Variants in SUFU observed in about 807,000 individuals in gnomAD.
SUFU encodes the protein suppressor of fused homolog.
Under a neutral mutation model 58.9 loss-of-function variants are expected in SUFU, and 7 were observed. That is an observed-to-expected ratio of 0.12 (90% CI 0.07 to 0.22). The LOEUF (loss-of-function observed/expected upper bound fraction) is 0.22, where lower values mean the gene tolerates loss of function less well. Ranked by LOEUF, SUFU falls within the 10% of genes least tolerant of loss-of-function variation. SUFU has a pLI of 1.00. For synonymous variants in SUFU, 232 were observed against 254.8 expected (o/e 0.91, Z 0.85); for missense variants, 451 against 641.3 (o/e 0.70, Z 3.20).
rs572026954 is a variant in SUFU, at chr10:102,619,082, G to A, written c.1296+1654G>A. 1.3e-5 allele frequency: 21 copies of A among 1,612,530 alleles called. No individual in the cohort carries two copies. The highest frequency in any genetic ancestry group is 1.7e-5 in the Admixed American group (1 of 59,986). On this transcript the variant is annotated intron_variant, in intron 10 of 11. Coordinates refer to ENST00000369902, the MANE Select transcript of SUFU (RefSeq NM_016169.4). This position sits in a 1 kb window ranked among gnomAD's most constrained non-coding sequence, Gnocchi z 4.2. ...CATCCTCAGCTCTGAACCTATCCTC[G>A]GAGCTCTGCCCTCCCGTCCTGGAAC...
chr10:102,599,006 A>G lies in SUFU; in HGVS notation c.911-427A>G, dbSNP rs148331996. Among the ~76,000 whole-genome samples, 956 of 152,150 alleles carry G rather than the reference A, an allele frequency of 6.3e-3. 2 individuals are homozygous for G. Among genetic ancestry groups the G allele is most frequent in the Non-Finnish European group, 9.4e-3 (639 of 67,992 alleles). On this transcript the variant is annotated intron_variant, in intron 7 of 11. Transcript: ENST00000369902. ...GGGACCAGATGCTAGTTGACTACCC[A>G]GAACCCAGAAAGGTGTGTTAGAGGC...
chr10:102,622,991 CAAAAA>C (rs60442672), intron 10 of SUFU, among the ~76,000 whole-genome samples: 7 of 58,374 alleles, frequency 1.2e-4, no homozygotes, highest in African/African-American at 3.9e-4. Context: ...AACTCCGTCT[CAAAAA>C]AAAAAAAAAA....
intron 8 of SUFU, among the ~76,000 whole-genome samples, chr10:102,601,732 G>A (rs995832844): frequency 3.9e-5 from 6 of 152,170 alleles, no homozygotes; most frequent in Admixed American, 2.0e-4. Context: ...TGAGCGTGAC[G>A]GTAATATCTG....
Position 102,529,255 on chromosome 10 carries a change from G to T in SUFU, c.317+19952G>T, listed in dbSNP as rs565012893. On this transcript the variant is annotated intron_variant, in intron 2 of 11. Coordinates refer to ENST00000369902, the MANE Select transcript of SUFU (RefSeq NM_016169.4). ...ATTTAGTAGTTGTTGACTGAATTCT[G>T]TTGTAATGGCTGTGACTCAAAGCAT... Among the ~76,000 whole-genome samples the T allele has an allele frequency of 1.3e-4, 20 of 152,218 alleles. No individual in the cohort carries two copies. In the South Asian group the frequency reaches 3.9e-3, roughly 30 times the overall value.
At chr10:102,521,340 T>C (rs1564663138) in intron 2 of SUFU, among the ~76,000 whole-genome samples, 1 of 152,206 alleles carries the variant, frequency 6.6e-6, no homozygotes, top group Non-Finnish European at 1.5e-5. Context: ...CATACATACC[T>C]TTTTCTCACA....
At chr10:102,548,773 T>A (rs535974765) in intron 2 of SUFU, among the ~76,000 whole-genome samples, 236 of 152,262 alleles carry the variant, frequency 1.5e-3, no homozygotes, top group Middle Eastern at 3.4e-3. Context: ...GAAGTCCCTT[T>A]CAGGGACTTC....
intron 10 of SUFU, among the ~76,000 whole-genome samples, chr10:102,626,415 C>G (rs969857544): frequency 2.6e-5 from 4 of 152,130 alleles, no homozygotes; most frequent in Non-Finnish European, 5.9e-5. Flanking sequence ...TGGGGCCAGA[C>G]TCAGCATCAA....
intron 2 of SUFU, among the ~76,000 whole-genome samples, chr10:102,532,435 T>G (rs1458940186): frequency 6.6e-6 from 1 of 151,960 alleles, no homozygotes; most frequent in Non-Finnish European, 1.5e-5. Context: ...GCACCAGGAG[T>G]CCAGGAATAG....
chr10:102,518,637 C>T (rs2062505605), intron 2 of SUFU, among the ~76,000 whole-genome samples: 1 of 151,962 alleles, frequency 6.6e-6, no homozygotes, highest in Non-Finnish European at 1.5e-5. Flanking sequence ...ACCTCTGCTT[C>T]CCAGGCTTAA....
intron 3 of SUFU, chr10:102,591,182 T>A (rs956994389): frequency 1.3e-5 from 2 of 152,196 alleles, no homozygotes; most frequent in Non-Finnish European, 2.9e-5. Context: ...ATTTAAAGAA[T>A]GAGATAGCTC....
At chr10:102,605,944 G>A (rs1197328262) in intron 8 of SUFU, among the ~76,000 whole-genome samples, 1 of 152,212 alleles carries the variant, frequency 6.6e-6, no homozygotes, top group Non-Finnish European at 1.5e-5. Flanking sequence ...TGACTCACAG[G>A]ACTGGGATTG....
At chr10:102,604,251 G>A (rs758887765) in intron 8 of SUFU, among the ~76,000 whole-genome samples, 11 of 152,210 alleles carry the variant, frequency 7.2e-5, no homozygotes, top group Non-Finnish European at 1.2e-4. Flanking sequence ...TGCTCCCTGC[G>A]TCCTGGACAG....
chr10:102,630,295 G>T lies in SUFU; in HGVS notation c.*140G>T. ...CTGCGCAGTGCCACCCCGCAGCCCA[G>T]TGGGGTGCCATGCACAGGCCACAGG... On this transcript the variant is annotated 3_prime_UTR_variant, in exon 12 of 12. Transcript: ENST00000369902. 1.3e-6 allele frequency: 1 copy of T among 784,192 alleles called. No individual in the cohort carries two copies. The highest frequency in any genetic ancestry group is 2.1e-6 in the Non-Finnish European group (1 of 466,760). The allele number at this position is 784,192 out of a possible 1,614,324, so 48.6% of individuals were successfully genotyped here. A position where few individuals can be genotyped will look rare whatever the true frequency, so the allele number is the denominator to read the frequency against.
chr10:102,575,849 A>AT (rs896775223), intron 3 of SUFU, among the ~76,000 whole-genome samples: 4 of 151,076 alleles, frequency 2.6e-5, no homozygotes, highest in Admixed American at 1.3e-4. Flanking sequence ...TAAATTTCAG[A>AT]TTTTTTTTTG....
At chr10:102,518,298 A>C (rs76963132) in intron 2 of SUFU, among the ~76,000 whole-genome samples, 2,256 of 152,292 alleles carry the variant, frequency 0.015, 60 homozygotes, top group South Asian at 0.12. Context: ...TGGAACTGGG[A>C]TATAAACCCA....
intron 2 of SUFU, among the ~76,000 whole-genome samples, chr10:102,544,747 C>T (rs1374838672): frequency 6.6e-6 from 1 of 152,160 alleles, no homozygotes; most frequent in Non-Finnish European, 1.5e-5. Context: ...AAAAGAAATT[C>T]TGTACCCATC....
chr10:102,517,803 T>C (rs1030493436), intron 2 of SUFU, among the ~76,000 whole-genome samples: 4 of 152,224 alleles, frequency 2.6e-5, no homozygotes, highest in Non-Finnish European at 2.9e-5. Flanking sequence ...CAGCTTGCTG[T>C]CCTGCCTACC....
rs886046660 is a variant in SUFU at position 102,632,422 on chromosome 10, G to T, written c.*2267G>T. 7 of 233,184 alleles carry T rather than the reference G, an allele frequency of 3.0e-5. No homozygotes were observed. The highest frequency in any genetic ancestry group is 1.5e-4 in the African/African-American group (7 of 45,326). 14.4% of individuals were successfully genotyped at this position (233,184 alleles called of 1,614,324 possible). A position where few individuals can be genotyped will look rare whatever the true frequency, so the allele number is the denominator to read the frequency against. On this transcript the variant is annotated 3_prime_UTR_variant, in exon 12 of 12. Coordinates refer to ENST00000369902, the MANE Select transcript of SUFU (RefSeq NM_016169.4). ...TCACCCAAGATCCTGCAGGGGCCAG[G>T]CTCCATCTCACTGGCTCTGAGGGCA...
At chr10:102,585,117 C>T (rs2063323258) in intron 3 of SUFU, among the ~76,000 whole-genome samples, 1 of 152,160 alleles carries the variant, frequency 6.6e-6, no homozygotes, top group Non-Finnish European at 1.5e-5. Context: ...CTTCCTTTTG[C>T]CTGCTATATT....
Sources: allele counts gnomAD v4.1 joint callset (sites outside exome capture counted in the v4.1 genomes callset), GRCh38; gene constraint gnomAD v4.1.1; non-coding constraint Gnocchi (gnomAD v3.1); transcripts MANE v1.5; gene names NCBI Gene and HGNC (gene_info 2026-07-23, HGNC 2026-07-21).